Variants in GGT5 observed in about 807,000 individuals in gnomAD.
GGT5 encodes glutathione hydrolase 5 proenzyme.
In GGT5, 50 loss-of-function variants were observed where a neutral mutation model predicts 58.1. The ratio of observed to expected loss-of-function variants is 0.86; its 90% CI spans 0.69 to 1.09. GGT5 has a LOEUF of 1.09. GGT5 is among the 50% of genes least tolerant of loss of function. The pLI, the probability that GGT5 is intolerant of heterozygous loss-of-function variation, is 0.00. For missense variants in GGT5, 800 were observed against 789.4 expected, an observed-to-expected ratio of 1.01 and a Z score of -0.16; for synonymous variants, 370 against 346.1, an observed-to-expected ratio of 1.07 and a Z score of -0.77.
At chr22:24,229,355 C>G (rs571186306) in intron 6 of GGT5, among the ~76,000 whole-genome samples, 2 of 150,012 alleles carry the variant, frequency 1.3e-5, no homozygotes, top group Admixed American at 6.7e-5. Flanking sequence ...TGTAGTGAAC[C>G]GAGACGCACC....
chr22:24,231,954 C>G (rs2047954701), intron 5 of GGT5, 97 bp downstream of exon 5: 2 of 1,064,314 alleles, frequency 1.9e-6, no homozygotes, highest in East Asian at 4.9e-5. Context: ...CCTGCACTCC[C>G]TCAGGGCCTG....
At position 24,231,416 on chromosome 22, in the gene GGT5, G is replaced by A. The variant is rs552085517; in HGVS notation, c.869C>T (p.Ala290Val). The change falls in exon 6 of 12, where the codon GCC (alanine) becomes GTC (valine). Residue 290 changes from alanine (A) to valine (V), a missense_variant. Coordinates refer to ENST00000327365, the MANE Select transcript of GGT5 (RefSeq NM_004121.5). ...CACGTTGAGGATAAAGCTGAGAATG[G>A]CACCCCCTGCAGGCGGCGGTGGTGA... The part of the protein sequence containing the change: ...LYSPPPPAGG[A>V]ILSFILNVLR... 1 of 1,554,242 alleles carries A rather than the reference G, an allele frequency of 6.4e-7. No individual in the cohort carries two copies. The highest frequency in any genetic ancestry group is 2.4e-5 in the East Asian group (1 of 41,210).
intron 11 of GGT5, among the ~76,000 whole-genome samples, chr22:24,221,810 C>A (rs1044238153): frequency 1.3e-5 from 2 of 151,968 alleles, no homozygotes; most frequent in South Asian, 2.1e-4. Flanking sequence ...GCAGCCAACT[C>A]CCTATGATTT....
intron 1 of GGT5, chr22:24,241,174 A>C (rs1411692690): frequency 1.1e-4 from 17 of 152,218 alleles, no homozygotes; most frequent in Middle Eastern, 3.4e-3. Context: ...AAAAAAAAAA[A>C]AAAACACGAG....
chr22:24,232,954 GC>G lies in GGT5; in HGVS notation c.464del (p.Gly155AlafsTer55). The part of the protein sequence containing the change: ...RGYAEAHRRH[G>X]RLPWAQLFQP... ...GGAACAGCTGCGCCCAGGGCAGGCGGCCATGGCGGCGGTGGGCCTCGGCATA... is the reference window on the plus strand; with the variant it reads ...GGAACAGCTGCGCCCAGGGCAGGCGGCATGGCGGCGGTGGGCCTCGGCATA... On this transcript the variant is annotated frameshift_variant, in exon 4 of 12. Transcript: ENST00000327365. LOFTEE classifies it high-confidence loss of function. The G allele has an allele frequency of 6.4e-7, 1 of 1,566,654 alleles. No homozygotes were observed. The highest frequency in any genetic ancestry group is 8.6e-7 in the Non-Finnish European group (1 of 1,156,158).
At chr22:24,232,271 G>A (rs777539072) in intron 4 of GGT5, 63 bp from the exon 5 acceptor site, 126 of 996,100 alleles carry the variant, frequency 1.3e-4, no homozygotes, top group Non-Finnish European at 1.8e-4. Flanking sequence ...CTCTTCCGGG[G>A]CTCTCATGGG....
In GGT5 at chr22:24,238,821, ATATATATATAT is replaced by A. The variant is rs2048201143; in HGVS notation, c.174-4828_174-4818del. Among the ~76,000 whole-genome samples the A allele has an allele frequency of 3.9e-3, 67 of 16,982 alleles. 3 individuals are homozygous for A. Among genetic ancestry groups the A allele is most frequent in the Non-Finnish European group, 5.1e-3 (57 of 11,286 alleles). The allele number at this position is 16,982 out of a possible 152,430, so 11.1% of individuals were successfully genotyped here. A position where few individuals can be genotyped will look rare whatever the true frequency, so the allele number is the denominator to read the frequency against. On this transcript the variant is annotated intron_variant, in intron 1 of 11. Transcript: ENST00000327365. ...TATATATATATAATATATTATATAT[ATATATATATAT>A]TTATATATATATATTATATATATTA... is the stretch of plus-strand genomic sequence containing the variant.
intron 1 of GGT5, 98 bp from the exon 2 acceptor site, chr22:24,234,102 C>G (rs943964070): frequency 3.3e-6 from 4 of 1,207,100 alleles, no homozygotes; most frequent in Non-Finnish European, 3.5e-6. Flanking sequence ...GTGACGGAGG[C>G]GGCACGTCGG....
chr22:24,222,807 G>A (rs1313447820), intron 11 of GGT5, among the ~76,000 whole-genome samples: 2 of 152,058 alleles, frequency 1.3e-5, no homozygotes, highest in East Asian at 3.9e-4. Flanking sequence ...GCCGGGCGCG[G>A]TGGCTCACGC....
chr22:24,238,853 TATTATATATATAATATATATA>T (rs2048214056), intron 1 of GGT5, among the ~76,000 whole-genome samples: 2 of 14,298 alleles, frequency 1.4e-4, no homozygotes, highest in Non-Finnish European at 2.1e-4. Context: ...ATATTATATA[TATTATATATATAATATATATA>T]ATATATATTA....
At chr22:24,233,760 G>A (rs894646449) in intron 2 of GGT5, 114 bp downstream of exon 2, 5 of 1,098,504 alleles carry the variant, frequency 4.6e-6, no homozygotes, top group African/African-American at 1.5e-5. Flanking sequence ...GGCAGGGCAG[G>A]GGGCCCAAGA....
chr22:24,235,914 C>T (rs1357843916), intron 1 of GGT5, among the ~76,000 whole-genome samples: 1 of 152,186 alleles, frequency 6.6e-6, no homozygotes, highest in Non-Finnish European at 1.5e-5. Flanking sequence ...CCCACCCTGC[C>T]AGGCTTTGGT....
In GGT5 at chr22:24,225,668, C is replaced by G. The variant is rs761779669; in HGVS notation, c.1230-16G>C. On this transcript the variant is annotated splice_polypyrimidine_tract_variant and intron_variant, in intron 8 of 11. Transcript: ENST00000327365. The stretch of plus-strand genomic sequence containing the variant: ...CGCTCCAAAGCTGCAGCCGTGGAGG[C>G]AGAAGAGCCTGGGCTAGGACCCGGG... The G allele has an allele frequency of 2.0e-5, 31 of 1,532,386 alleles. No homozygotes were observed. Among genetic ancestry groups the G allele is most frequent in the Non-Finnish European group, 2.8e-5 (31 of 1,107,780 alleles). 94.9% of individuals were successfully genotyped at this position (1,532,386 alleles called of 1,614,324 possible).
At position 24,238,777 on chromosome 22, in the gene GGT5, ATAATATATATTATATATTT is replaced by A. The variant is rs1569371093; in HGVS notation, c.174-4792_174-4774del. Among the ~76,000 whole-genome samples, 21 of 29,520 alleles carry A rather than the reference ATAATATATATTATATATTT, an allele frequency of 7.1e-4. 2 individuals carry two copies. The highest frequency in any genetic ancestry group is 3.4e-3 in the African/African-American group (19 of 5,574). The allele number at this position is 29,520 out of a possible 152,430, so 19.4% of individuals were successfully genotyped here. ...ATATATGGAATATATATATATATAT[ATAATATATATTATATATTT>A]ATATATATATAATATATTATATATA... is the stretch of plus-strand genomic sequence containing the variant. On this transcript the variant is annotated intron_variant, in intron 1 of 11. Coordinates refer to ENST00000327365, the MANE Select transcript of GGT5 (RefSeq NM_004121.5).
chr22:24,232,315 C>T, intron 4 of GGT5, 107 bp from the exon 5 acceptor site: 1 of 603,398 alleles, frequency 1.7e-6, no homozygotes, highest in Non-Finnish European at 2.8e-6. Context: ...GGGGGGCGCC[C>T]TGGCCCAGGG....
chr22:24,220,642 G>T, intron 11 of GGT5: 1 of 454,852 alleles, frequency 2.2e-6, no homozygotes, highest in Non-Finnish European at 4.4e-6. Context: ...CATACCTACA[G>T]TCTTAGCCAC....
intron 1 of GGT5, 80 bp from the exon 2 acceptor site, chr22:24,234,084 G>T: frequency 1.4e-6 from 2 of 1,411,296 alleles, no homozygotes; most frequent in Non-Finnish European, 1.9e-6. Context: ...GGCACTCATT[G>T]GAGAATGGTG....
At chr22:24,225,963 G>T in intron 8 of GGT5, 113 bp downstream of exon 8, 1 of 756,728 alleles carries the variant, frequency 1.3e-6, no homozygotes, top group Non-Finnish European at 2.1e-6. Context: ...GGAGAAAAAG[G>T]GCAAAAGCAA....
chr22:24,233,511 C>T lies in GGT5; in HGVS notation c.387G>A (p.Leu129=). Residue 129 remains leucine, a synonymous_variant, in exon 3 of 12, where the codon CTG becomes CTA. Coordinates refer to ENST00000327365, the MANE Select transcript of GGT5 (RefSeq NM_004121.5). ...ATGGGGCGTCACCTGTGCCCAGTGG[C>T]AGAGCCTGTGCACACTGGTCCAGCA... ...PSLLDQCAQA[L]PLGTGAQWIG... 1 of 1,601,568 alleles carries T rather than the reference C, an allele frequency of 6.2e-7. No homozygotes were observed. The highest frequency in any genetic ancestry group is 8.5e-7 in the Non-Finnish European group (1 of 1,173,918).
Sources: allele counts gnomAD v4.1 joint callset (sites outside exome capture counted in the v4.1 genomes callset), GRCh38; gene constraint gnomAD v4.1.1; transcripts MANE v1.5; gene names NCBI Gene and HGNC (gene_info 2026-07-23, HGNC 2026-07-21).